Variants in ZNF454 observed in about 807,000 individuals in gnomAD.
ZNF454 encodes zinc finger protein 454.
A neutral mutation model predicts 48.2 loss-of-function variants in ZNF454; 30 were observed. The ratio of observed to expected loss-of-function variants is 0.62; its 90% CI spans 0.47 to 0.84. The LOEUF (loss-of-function observed/expected upper bound fraction) is 0.84, where lower values mean the gene tolerates loss of function less well. Ranked by LOEUF, ZNF454 falls within the 40% of genes least tolerant of loss-of-function variation. The pLI is 0.00. For missense variants in ZNF454, 510 were observed against 623.1 expected, an observed-to-expected ratio of 0.82 and a Z score of 1.93; for synonymous variants, 204 against 211.4, an observed-to-expected ratio of 0.97 and a Z score of 0.30.
downstream of ZNF454, chr5:178,969,350 C>A: frequency 2.4e-6 from 1 of 419,690 alleles, no homozygotes. Context: ...TGGTGTTAGA[C>A]ATTTCAGTAC....
chr5:178,959,903 C>T (rs1409208956), intron 4 of ZNF454, among the ~76,000 whole-genome samples: 1 of 151,172 alleles, frequency 6.6e-6, no homozygotes, highest in Admixed American at 6.6e-5. Flanking sequence ...CCGTGCCCGG[C>T]CCCTTTTTTT....
In ZNF454 at chr5:178,965,577, A is replaced by G; in HGVS notation, c.1173A>G (p.Lys391=). Reference sequence around the variant, plus strand: ...CTTATAAATGTAATGAATGTGGGAAAGCTTTCAGGGATAATTCATCCTTTG... The same window carrying G: ...CTTATAAATGTAATGAATGTGGGAAGGCTTTCAGGGATAATTCATCCTTTG... ...EKPYKCNECG[K]AFRDNSSFAR... The change falls in exon 5 of 5, where the codon AAA becomes AAG. Residue 391 remains lysine (K), a synonymous_variant. Transcript: ENST00000519564. This position sits in a 1 kb window ranked among gnomAD's most constrained non-coding sequence, Gnocchi z 5.2. 1 of 1,614,178 alleles carries G rather than the reference A, an allele frequency of 6.2e-7. No individual in the cohort carries two copies. The highest frequency in any genetic ancestry group is 8.5e-7 in the Non-Finnish European group (1 of 1,180,002).
At chr5:178,984,816 C>T in the ZNF454 span, among the ~76,000 whole-genome samples, 1 of 152,126 alleles carries the variant, frequency 6.6e-6, no homozygotes, top group Non-Finnish European at 1.5e-5. Flanking sequence ...CGGGAGTGGA[C>T]AGCACCGGGA....
At chr5:178,952,223 G>A (rs1759588121) in intron 4 of ZNF454, among the ~76,000 whole-genome samples, 2 of 152,132 alleles carry the variant, frequency 1.3e-5, no homozygotes, top group Non-Finnish European at 2.9e-5. Context: ...ATTTTTAGTA[G>A]AGACGGGGTT....
chr5:178,984,252 C>T, the ZNF454 span, among the ~76,000 whole-genome samples: 2 of 151,160 alleles, frequency 1.3e-5, no homozygotes, highest in African/African-American at 4.8e-5. Context: ...CCAAAACGGC[C>T]CACAGATGCC....
chr5:178,959,863 C>A (rs1221329656), intron 4 of ZNF454, among the ~76,000 whole-genome samples: 1 of 151,800 alleles, frequency 6.6e-6, no homozygotes, highest in Non-Finnish European at 1.5e-5. Flanking sequence ...CCTCGGCCTC[C>A]CAAAGTGCTG....
At chr5:178,986,347 G>A in the ZNF454 span, 3 of 1,614,162 alleles carry the variant, frequency 1.9e-6, no homozygotes, top group Non-Finnish European at 2.5e-6. Flanking sequence ...GAAGGTGATG[G>A]CGTAGATGAG....
the ZNF454 span, among the ~76,000 whole-genome samples, chr5:178,987,915 ATG>A: frequency 6.9e-6 from 1 of 144,106 alleles, no homozygotes; most frequent in African/African-American, 2.5e-5. Context: ...ACCCGTCGCC[ATG>A]CCCAGCTAAT....
chr5:178,981,621 G>C, the ZNF454 span: 1 of 1,511,530 alleles, frequency 6.6e-7, no homozygotes, highest in Non-Finnish European at 9.2e-7. This position sits in a 1 kb window ranked among gnomAD's most constrained non-coding sequence, Gnocchi z 5.1. Flanking sequence ...AGGAAGAAAG[G>C]AGAGGCAGCA....
At chr5:178,945,379 CTGTGTG>C (rs771432291) in intron 2 of ZNF454, among the ~76,000 whole-genome samples, 4 of 136,662 alleles carry the variant, frequency 2.9e-5, no homozygotes, top group Admixed American at 7.4e-5. Context: ...GTCTCTGTGT[CTGTGTG>C]TGAGTTTATG....
At chr5:178,968,281 G>A (rs373122753), downstream of ZNF454, among the ~76,000 whole-genome samples, 2 of 152,132 alleles carry the variant, frequency 1.3e-5, no homozygotes, top group East Asian at 3.9e-4. Context: ...CCTGGTATGT[G>A]GAAGTGCTGT....
At chr5:178,986,508 G>A in the ZNF454 span, 1 of 1,609,304 alleles carries the variant, frequency 6.2e-7, no homozygotes, top group South Asian at 1.1e-5. Context: ...CCCAGGGGGA[G>A]GACCAGCTCA....
chr5:178,970,543 CTTTT>C (rs1167534385), downstream of ZNF454, among the ~76,000 whole-genome samples: 1 of 151,914 alleles, frequency 6.6e-6, no homozygotes, highest in African/African-American at 2.4e-5. Flanking sequence ...ATGTCACTGT[CTTTT>C]TTTTCTTTCT....
downstream of ZNF454, among the ~76,000 whole-genome samples, chr5:178,971,426 C>T (rs1000642849): frequency 1.3e-5 from 2 of 152,076 alleles, no homozygotes; most frequent in South Asian, 2.1e-4. Context: ...GCCTGGTGCT[C>T]GGCCCTGGGG....
chr5:178,983,127 C>T, the ZNF454 span: 1 of 1,613,646 alleles, frequency 6.2e-7, no homozygotes, highest in Non-Finnish European at 8.5e-7. Flanking sequence ...CTTGAGCACC[C>T]CTCTGGCCTG....
At chr5:178,964,562 T>C in intron 4 of ZNF454, 93 bp from the exon 5 acceptor site, 1 of 985,180 alleles carries the variant, frequency 1.0e-6, no homozygotes, top group South Asian at 1.6e-5. Flanking sequence ...ACTTGAAATC[T>C]TTCTGTTAGC....
At chr5:178,969,692 AG>A, downstream of ZNF454, 1 of 456,150 alleles carries the variant, frequency 2.2e-6, no homozygotes, top group South Asian at 1.5e-5. Flanking sequence ...CCATAGAAAA[AG>A]GTAAGAGCCT....
At chr5:178,976,523 G>T in the ZNF454 span, among the ~76,000 whole-genome samples, 1 of 152,132 alleles carries the variant, frequency 6.6e-6, no homozygotes, top group Admixed American at 6.5e-5. Flanking sequence ...CAGCTGTGGG[G>T]CTGGGTTAAT....
chr5:178,960,007 G>C (rs1432027065), intron 4 of ZNF454, among the ~76,000 whole-genome samples: 2 of 150,362 alleles, frequency 1.3e-5, no homozygotes, highest in African/African-American at 4.9e-5. Context: ...GGAGTGCAGT[G>C]GTGTGATCAT....
Sources: gnomAD v4.1 joint callset for allele counts (sites outside exome capture counted in the v4.1 genomes callset) on GRCh38, gnomAD v4.1.1 for gene constraint, Gnocchi (gnomAD v3.1) non-coding constraint, MANE v1.5 for transcripts, NCBI Gene and HGNC (gene_info 2026-07-23, HGNC 2026-07-21) for gene names.